Variants in COMMD5 observed in about 807,000 individuals in gnomAD.
The protein encoded by COMMD5 is COMM domain-containing protein 5.
COMMD5 carries 10 observed loss-of-function variants against 6.9 expected under a neutral mutation model. The observed-to-expected ratio is 1.44, with a 90% CI of 0.89 to 2.45. The LOEUF is 2.45. Among genes scored for constraint, COMMD5 ranks in the 30% most tolerant of loss-of-function variants. COMMD5 has a pLI of 0.00. For synonymous variants in COMMD5, 127 were observed against 125.3 expected, an observed-to-expected ratio of 1.01 and a Z score of -0.09; for missense variants, 234 against 287.8, an observed-to-expected ratio of 0.81 and a Z score of 1.35.
At position 144,851,367 on chromosome 8, in the gene COMMD5, C is replaced by A; in HGVS notation, c.-29G>T. The A allele has an allele frequency of 1.3e-6, 2 of 1,578,852 alleles. No individual in the cohort carries two copies. Among genetic ancestry groups the A allele is most frequent in the Admixed American group, 1.7e-5 (1 of 57,618 alleles). On this transcript the variant is annotated 5_prime_UTR_variant, in exon 2 of 2. Transcript: ENST00000305103. Reference sequence around the variant, plus strand: ...TGCTGCTTCCTCTTTGATCAGCCAGCCCAGGAGGTCGGTCCCAGATGCAGA... The same window carrying A: ...TGCTGCTTCCTCTTTGATCAGCCAGACCAGGAGGTCGGTCCCAGATGCAGA...
In COMMD5 at chr8:144,844,721, AAAAAAAAAAAAAAAAC is replaced by A. The variant is rs1348208386; in HGVS notation, c.*117-2994_*117-2979del. Among the ~76,000 whole-genome samples, 4 of 57,892 alleles carry A rather than the reference AAAAAAAAAAAAAAAAC, an allele frequency of 6.9e-5. No homozygotes were observed. The East Asian group carries it at 1.7e-3, about 25-fold the overall frequency. The allele number at this position is 57,892 out of a possible 152,430, so 38.0% of individuals were successfully genotyped here. Reference sequence around the variant, plus strand: ...TGTGACTCTGTATCAAAAAAAAAAAAAAAAAAAAAAAAAAACGAAAATGGGATGGAAAGAAGGTGGT... The same window carrying A: ...TGTGACTCTGTATCAAAAAAAAAAAAGAAAATGGGATGGAAAGAAGGTGGT... On this transcript the variant is annotated intron_variant and NMD_transcript_variant, in intron 1 of 1. Coordinates refer to the COMMD5 transcript ENST00000530332.
rs767352183 is a variant in COMMD5 at position 144,841,775 on chromosome 8, G to C, written c.*117-32C>G. On this transcript the variant is annotated intron_variant and NMD_transcript_variant, in intron 1 of 1. Transcript: ENST00000530332. ...TGGGAAATTAATACACAGAAAATTA[G>C]CAGATGTCAAGAATGCCAAAAAAAG... 5 of 1,614,078 alleles carry C rather than the reference G, an allele frequency of 3.1e-6. No homozygotes were observed. The East Asian group carries it at 1.1e-4, about 36-fold the overall frequency.
chr8:144,839,281 C>T (rs1297331239), downstream of COMMD5, among the ~76,000 whole-genome samples: 1 of 152,238 alleles, frequency 6.6e-6, no homozygotes, highest in African/African-American at 2.4e-5. Flanking sequence ...TTCTGAGCCT[C>T]TTCACGCCCT....
downstream of COMMD5, among the ~76,000 whole-genome samples, chr8:144,840,381 C>T (rs139909483): frequency 0.01 from 1,567 of 152,276 alleles, 29 homozygotes; most frequent in African/African-American, 0.036. Context: ...GGGCAGGAAC[C>T]GAAGCTTGAA....
At position 144,851,219 on chromosome 8, in the gene COMMD5, T is replaced by C; in HGVS notation, c.120A>G (p.Leu40=). ...TGAACGTGCTCCTGTCTAGGTCCCCTAGTAGCCGGGCCATTGCTGCCACCT... is the reference window on the plus strand; with the variant it reads ...TGAACGTGCTCCTGTCTAGGTCCCCCAGTAGCCGGGCCATTGCTGCCACCT... The part of the protein sequence containing the change: ...PPEVAAMARL[L]GDLDRSTFRK... Residue 40 remains leucine (L), a synonymous_variant, in exon 2 of 2, where the codon CTA becomes CTG. Transcript: ENST00000305103. The C allele has an allele frequency of 6.2e-7, 1 of 1,613,962 alleles. No homozygotes were observed. Among genetic ancestry groups the C allele is most frequent in the Non-Finnish European group, 8.5e-7 (1 of 1,180,022 alleles).
downstream of COMMD5, chr8:144,845,929 T>C (rs1261622714): frequency 6.6e-7 from 1 of 1,517,798 alleles, no homozygotes; most frequent in African/African-American, 1.4e-5. Flanking sequence ...AGCCAGGTGG[T>C]CACCTTCAGG....
chr8:144,844,387 G>A (rs375480817), intron 1 of COMMD5, among the ~76,000 whole-genome samples: 29 of 152,228 alleles, frequency 1.9e-4, no homozygotes, highest in Admixed American at 9.2e-4. Flanking sequence ...GGGGGAACGC[G>A]GTGAGGAGGA....
At chr8:144,842,072 T>C in intron 1 of COMMD5, 5 of 1,613,936 alleles carry the variant, frequency 3.1e-6, no homozygotes, top group Non-Finnish European at 4.2e-6. Flanking sequence ...TCAAGCCTCA[T>C]CCACCATCAG....
rs1830032575 is a variant in COMMD5 at position 144,842,261 on chromosome 8, C to T, written c.*117-518G>A. On this transcript the variant is annotated intron_variant and NMD_transcript_variant, in intron 1 of 1. Coordinates refer to the COMMD5 transcript ENST00000530332. ...CTAGCCCAGCATCAAAGGATGCATA[C>T]TGGGGAGAAAGCTCAAATTCTAAAA... is the stretch of plus-strand genomic sequence containing the variant. 3.1e-6 allele frequency: 5 copies of T among 1,613,954 alleles called. No individual in the cohort carries two copies. The South Asian group carries it at 5.5e-5, about 18-fold the overall frequency.
In COMMD5 at chr8:144,851,167, T is replaced by C; in HGVS notation, c.172A>G (p.Ser58Gly). The stretch of plus-strand genomic sequence containing the variant: ...TCTCGGCAGTCCTCCCCCTGCAGGC[T>C]GCTGACCACAAACTTCAGCAACTTT... ...FRKLLKFVVS[S>G]LQGEDCREAV... Residue 58 changes from serine to glycine, a missense_variant, in exon 2 of 2, where the codon AGC becomes GGC. Physicochemically the swap from Ser to Gly is moderately conservative, Grantham distance 56. Coordinates refer to ENST00000305103, the MANE Select transcript of COMMD5 (RefSeq NM_014066.4). 1 of 1,613,586 alleles carries C rather than the reference T, an allele frequency of 6.2e-7. No homozygotes were observed.
At chr8:144,843,386 G>GACCA in intron 1 of COMMD5, 1 of 488,972 alleles carries the variant, frequency 2.0e-6, no homozygotes, top group Non-Finnish European at 3.5e-6. Context: ...TCAGGAGGTT[G>GACCA]AGACCATCCT....
downstream of COMMD5, among the ~76,000 whole-genome samples, chr8:144,840,375 AG>A (rs1193435199): frequency 6.6e-6 from 1 of 152,242 alleles, no homozygotes. Context: ...AGGAGTGGGC[AG>A]GAACCGAAGC....
At chr8:144,840,453 C>T (rs888605564), downstream of COMMD5, among the ~76,000 whole-genome samples, 3 of 152,020 alleles carry the variant, frequency 2.0e-5, no homozygotes, top group East Asian at 3.9e-4. Flanking sequence ...GCTGTGGCTG[C>T]GTGGTTGTGG....
chr8:144,851,716 C>A (rs2736646), intron 1 of COMMD5, among the ~76,000 whole-genome samples: 4,395 of 152,142 alleles, frequency 0.029, 250 homozygotes, highest in East Asian at 0.23. Context: ...ACTAGGGGAA[C>A]GGTCCGGGGA....
At chr8:144,838,082 GA>G, downstream of COMMD5, 4 of 703,008 alleles carry the variant, frequency 5.7e-6, no homozygotes, top group Non-Finnish European at 1.0e-5. Context: ...TTTAGGGAAG[GA>G]TCCTGTCCTG....
At position 144,851,147 on chromosome 8, in the gene COMMD5, G is replaced by A. The variant is rs768395508; in HGVS notation, c.192C>T (p.Cys64=). 113 of 1,613,066 alleles carry A rather than the reference G, an allele frequency of 7.0e-5. No individual in the cohort carries two copies. The highest frequency in any genetic ancestry group is 9.5e-5 in the Non-Finnish European group (112 of 1,180,014). ...CCCCAAGACGCTGCACAGCCTCTCG[G>A]CAGTCCTCCCCCTGCAGGCTGCTGA... ...FVVSSLQGED[C]REAVQRLGVS... is the part of the protein sequence containing the mutation. The change falls in exon 2 of 2, where the codon TGC becomes TGT. Residue 64 remains cysteine, a synonymous_variant. Coordinates refer to ENST00000305103, the MANE Select transcript of COMMD5 (RefSeq NM_014066.4).
intron 1 of COMMD5, chr8:144,842,196 T>C (rs760879577): frequency 2.5e-5 from 40 of 1,613,138 alleles, no homozygotes; most frequent in Non-Finnish European, 3.1e-5. Context: ...GGCCCTACCC[T>C]TGCAAGGAGT....
chr8:144,842,447 C>T, intron 1 of COMMD5: 3 of 1,613,954 alleles, frequency 1.9e-6, no homozygotes, highest in Non-Finnish European at 1.7e-6. Flanking sequence ...AACAAGTGTA[C>T]AAAAGCCTTT....
chr8:144,840,715 C>T (rs1829778962), downstream of COMMD5, among the ~76,000 whole-genome samples: 1 of 152,106 alleles, frequency 6.6e-6, no homozygotes, highest in Non-Finnish European at 1.5e-5. Flanking sequence ...TCAGTGTGGT[C>T]TTAGAGGTGG....
Sources: allele counts gnomAD v4.1 joint callset (sites outside exome capture counted in the v4.1 genomes callset), GRCh38; gene constraint gnomAD v4.1.1; transcripts MANE v1.5; gene names NCBI Gene and HGNC (gene_info 2026-07-23, HGNC 2026-07-21).